The following CAMKK1 variants were observed in gnomAD, a reference collection of about 807,000 sequenced individuals.
CAMKK1 encodes calcium/calmodulin dependent protein kinase kinase 1.
Under a neutral mutation model 63.5 loss-of-function variants are expected in CAMKK1, and 20 were observed. The ratio of observed to expected loss-of-function variants is 0.32; its 90% CI spans 0.22 to 0.46. CAMKK1 has a LOEUF of 0.46. Among genes scored for constraint, CAMKK1 ranks in the 20% least tolerant of loss-of-function variants. The probability of loss-of-function intolerance (pLI) is 1.00; values close to 1 mark genes in which losing one functional copy is unlikely to be tolerated. For synonymous variants in CAMKK1, 253 were observed against 269.0 expected, an observed-to-expected ratio of 0.94 and a Z score of 0.58; for missense variants, 588 against 658.1, an observed-to-expected ratio of 0.89 and a Z score of 1.17.
At chr17:3,874,897 G>A (rs1162832368) in intron 10 of CAMKK1, among the ~76,000 whole-genome samples, 8 of 151,546 alleles carry the variant, frequency 5.3e-5, no homozygotes, top group African/African-American at 1.2e-4. Flanking sequence ...CGAGGCGGGC[G>A]GATCACGAGG....
In CAMKK1 at chr17:3,885,702, G is replaced by C. The variant is rs1377122534; in HGVS notation, c.-15C>G. On this transcript the variant is annotated 5_prime_UTR_variant, in exon 2 of 16. Transcript: ENST00000348335. ...CCCCCCTCCATTGCTTCAGTCAAGG[G>C]GGTTCTTCTGCGTAGCCTTGTTGGG... 2 of 1,610,708 alleles carry C rather than the reference G, an allele frequency of 1.2e-6. No homozygotes were observed. The highest frequency in any genetic ancestry group is 1.7e-6 in the Non-Finnish European group (2 of 1,179,936).
intron 1 of CAMKK1, among the ~76,000 whole-genome samples, chr17:3,886,324 T>C (rs2055650151): frequency 1.3e-5 from 2 of 152,160 alleles, no homozygotes; most frequent in Non-Finnish European, 1.5e-5. Flanking sequence ...CCCTGCCTCA[T>C]TGACGTCTGT....
intron 12 of CAMKK1, among the ~76,000 whole-genome samples, chr17:3,870,756 G>C (rs1179954990): frequency 1.3e-5 from 2 of 152,104 alleles, no homozygotes; most frequent in Non-Finnish European, 2.9e-5. Flanking sequence ...TGTTGACTTC[G>C]GTTCCCCCTG....
rs2055814155 is a variant in CAMKK1, at chr17:3,889,719, C to T, written c.-44+3220G>A. On this transcript the variant is annotated intron_variant, in intron 1 of 15. Coordinates refer to ENST00000348335, the MANE Select transcript of CAMKK1 (RefSeq NM_032294.3). The surrounding 1 kb of genome is among the most constrained non-coding windows in gnomAD (Gnocchi z 5.2). ...TCCAAGATGGCCTGGCACATATCCC[C>T]CACCCAGGTTTTTCCTCCCAGGCTG... Among the ~76,000 whole-genome samples, 1 of 152,120 alleles carries T rather than the reference C, an allele frequency of 6.6e-6. No homozygotes were observed. The highest frequency in any genetic ancestry group is 1.5e-5 in the Non-Finnish European group (1 of 68,022).
intron 15 of CAMKK1, among the ~76,000 whole-genome samples, chr17:3,864,285 C>T (rs552141384): frequency 2.6e-5 from 4 of 151,758 alleles, no homozygotes; most frequent in South Asian, 2.1e-4. Context: ...CTCACTCTGT[C>T]GCCCAGGCTG....
chr17:3,868,198 CTGATACGTGGGCTCT>C (rs2054639978), intron 14 of CAMKK1, among the ~76,000 whole-genome samples: 1 of 14,110 alleles, frequency 7.1e-5, no homozygotes, highest in African/African-American at 3.4e-4. Context: ...CGCCGTCTAA[CTGATACGTGGGCTCT>C]GGGGGAGAAG....
chr17:3,885,072 T>C (rs2055584619), intron 2 of CAMKK1, among the ~76,000 whole-genome samples: 1 of 152,068 alleles, frequency 6.6e-6, no homozygotes, highest in Non-Finnish European at 1.5e-5. Context: ...GAAGACTACA[T>C]AGGGGACCAG....
At chr17:3,876,780 C>T (rs1762011977) in intron 9 of CAMKK1, among the ~76,000 whole-genome samples, 1 of 128,132 alleles carries the variant, frequency 7.8e-6, no homozygotes, top group Admixed American at 9.0e-5. Context: ...TTTTTTGAGA[C>T]AGAGTCTCAC....
At position 3,865,297 on chromosome 17, in the gene CAMKK1, G is replaced by A. The variant is rs909213778; in HGVS notation, c.1445+611C>T. 27 of 986,662 alleles carry A rather than the reference G, an allele frequency of 2.7e-5. No individual in the cohort carries two copies. The African/African-American group carries it at 3.1e-4, about 11-fold the overall frequency. 61.1% of individuals were successfully genotyped at this position (986,662 alleles called of 1,614,324 possible). ...GCGTGGCTCACCATAGGGAGCCCTC[G>A]GCCAATGCGGGTTCCTCTCCCGTGG... On this transcript the variant is annotated intron_variant, in intron 15 of 15. Coordinates refer to ENST00000348335, the MANE Select transcript of CAMKK1 (RefSeq NM_032294.3).
In CAMKK1 at chr17:3,885,630, C is replaced by T. The variant is rs763033251; in HGVS notation, c.58G>A (p.Val20Met). 6.2e-6 allele frequency: 10 copies of T among 1,613,856 alleles called. No individual in the cohort carries two copies. Among genetic ancestry groups the T allele is most frequent in the Non-Finnish European group, 8.5e-6 (10 of 1,180,042 alleles). Residue 20 changes from valine (V) to methionine (M), a missense_variant, in exon 2 of 16, where the codon GTG becomes ATG. Physicochemically the swap from Val to Met is conservative, Grantham distance 21. Coordinates refer to ENST00000348335, the MANE Select transcript of CAMKK1 (RefSeq NM_032294.3). The stretch of plus-strand genomic sequence containing the variant: ...AAGTGAGTCACATCGATGGCTGCCA[C>T]CCGTTCTACCAGCTCTGCCCGAGGA... ...QDPRAELVERVAAIDVTHLEE... is the reference protein window; with the variant it reads ...QDPRAELVERMAAIDVTHLEE...
At chr17:3,881,676 G>A (rs781598318) in intron 7 of CAMKK1, 28 bp from the exon 8 acceptor site, 28 of 1,559,826 alleles carry the variant, frequency 1.8e-5, no homozygotes, top group African/African-American at 2.7e-5. Flanking sequence ...AAGGTAAGGT[G>A]TAGCTGGCTG....
Position 3,890,715 on chromosome 17 carries a change from G to C in CAMKK1, c.-44+2224C>G, listed in dbSNP as rs1158199252. The C allele has an allele frequency of 1.3e-6, 1 of 779,662 alleles. No individual in the cohort carries two copies. Among genetic ancestry groups the C allele is most frequent in the Non-Finnish European group, 2.4e-6 (1 of 417,956 alleles). The allele number at this position is 779,662 out of a possible 1,614,324, so 48.3% of individuals were successfully genotyped here. A position where few individuals can be genotyped will look rare whatever the true frequency, so the allele number is the denominator to read the frequency against. ...TACTCTCCACTGCAGCCACACCACA[G>C]CTTCCCAAATTGCATACTCTGTTCT... On this transcript the variant is annotated intron_variant, in intron 1 of 15. Transcript: ENST00000348335. The surrounding 1 kb of genome is among the most constrained non-coding windows in gnomAD (Gnocchi z 6.5).
Position 3,869,598 on chromosome 17 carries a change from G to A in CAMKK1, c.1230C>T (p.Thr410=). The A allele has an allele frequency of 6.2e-7, 1 of 1,614,216 alleles. No homozygotes were observed. Among genetic ancestry groups the A allele is most frequent in the South Asian group, 1.1e-5 (1 of 91,092 alleles). ...AAGGAAGGGGCTCCTCCCCGTTCTTGGTCACCCAAGGGTGCAACTGTCGGG... is the reference window on the plus strand; with the variant it reads ...AAGGAAGGGGCTCCTCCCCGTTCTTAGTCACCCAAGGGTGCAACTGTCGGG... ...VPDIKLHPWV[T]KNGEEPLPSE... The change falls in exon 14 of 16, where the codon ACC becomes ACT. Residue 410 remains threonine (T), a synonymous_variant. Coordinates refer to ENST00000348335, the MANE Select transcript of CAMKK1 (RefSeq NM_032294.3).
At chr17:3,875,869 GGGCCA>G (rs1296225183) in intron 10 of CAMKK1, among the ~76,000 whole-genome samples, 1 of 152,070 alleles carries the variant, frequency 6.6e-6, no homozygotes, top group Non-Finnish European at 1.5e-5. Flanking sequence ...CATTCTTCAA[GGGCCA>G]GTTCAAATCC....
At chr17:3,868,515 G>C (rs2054676025) in intron 14 of CAMKK1, among the ~76,000 whole-genome samples, 1 of 152,178 alleles carries the variant, frequency 6.6e-6, no homozygotes, top group African/African-American at 2.4e-5. Context: ...CAATCCAAAG[G>C]CTGCCCAGGC....
At position 3,882,922 on chromosome 17, in the gene CAMKK1, C is replaced by T; in HGVS notation, c.648+120G>A. 2 of 1,360,150 alleles carry T rather than the reference C, an allele frequency of 1.5e-6. No individual in the cohort carries two copies. The highest frequency in any genetic ancestry group is 2.0e-6 in the Non-Finnish European group (2 of 993,224). 84.3% of individuals were successfully genotyped at this position (1,360,150 alleles called of 1,614,324 possible). Reference sequence around the variant, plus strand: ...CAAGTCTGGCCCTGTCCTCAGAGGCCTCAGCCACATCTGCCACCTGGGCAA... The same window carrying T: ...CAAGTCTGGCCCTGTCCTCAGAGGCTTCAGCCACATCTGCCACCTGGGCAA... On this transcript the variant is annotated intron_variant, in intron 6 of 15. Transcript: ENST00000348335. The surrounding 1 kb of genome is among the most constrained non-coding windows in gnomAD (Gnocchi z 4.3).
At position 3,889,052 on chromosome 17, in the gene CAMKK1, G is replaced by A. The variant is rs532408106; in HGVS notation, c.-43-3322C>T. 3.3e-5 allele frequency among the ~76,000 whole-genome samples: 5 copies of A among 152,256 alleles called. No individual in the cohort carries two copies. Among genetic ancestry groups the A allele is most frequent in the African/African-American group, 1.2e-4 (5 of 41,552 alleles). ...GCAGGTCTCCGTGTACCTATGCCCA[G>A]GGTAGGGGGGTGGTCCGCGCCCCTG... On this transcript the variant is annotated intron_variant, in intron 1 of 15. Transcript: ENST00000348335. The surrounding 1 kb of genome is among the most constrained non-coding windows in gnomAD (Gnocchi z 5.2).
intron 10 of CAMKK1, among the ~76,000 whole-genome samples, chr17:3,875,014 C>T (rs916754902): frequency 2.0e-4 from 30 of 151,892 alleles, no homozygotes; most frequent in African/African-American, 4.3e-4. Flanking sequence ...CCCAGCTACT[C>T]GGGAGGTTGA....
Position 3,883,609 on chromosome 17 carries a change from G to A in CAMKK1, c.463-129C>T. 2.3e-6 allele frequency: 2 copies of A among 872,448 alleles called. No homozygotes were observed. The highest frequency in any genetic ancestry group is 2.7e-5 in the South Asian group (2 of 72,870). The allele number at this position is 872,448 out of a possible 1,614,324, so 54.0% of individuals were successfully genotyped here. ...TACTGGCCCTGAGGGTGTGGCCCAG[G>A]TAAGTGTTAAGCGGGGTTGGGGGTG... On this transcript the variant is annotated intron_variant, in intron 4 of 15. Coordinates refer to ENST00000348335, the MANE Select transcript of CAMKK1 (RefSeq NM_032294.3). The surrounding 1 kb of genome is among the most constrained non-coding windows in gnomAD (Gnocchi z 4.7).
Sources: allele counts gnomAD v4.1 joint callset (sites outside exome capture counted in the v4.1 genomes callset), GRCh38; gene constraint gnomAD v4.1.1; non-coding constraint Gnocchi (gnomAD v3.1); transcripts MANE v1.5; gene names NCBI Gene and HGNC (gene_info 2026-07-23, HGNC 2026-07-21).